The following POLQ variants were observed in gnomAD, a reference collection of about 807,000 sequenced individuals.
POLQ encodes DNA polymerase theta.
In POLQ, 233 loss-of-function variants were observed where a neutral mutation model predicts 259.2. That is an observed-to-expected ratio of 0.90 (90% CI 0.81 to 1.00). The LOEUF (loss-of-function observed/expected upper bound fraction) is 1.00. Ranked by LOEUF, POLQ falls within the 50% of genes least tolerant of loss-of-function variation. The pLI, the probability that POLQ is intolerant of heterozygous loss-of-function variation, is 0.00. For missense variants in POLQ, 2,871 were observed against 3,051.6 expected, an observed-to-expected ratio of 0.94 and a Z score of 1.39; for synonymous variants, 1,025 against 1,048.8, an observed-to-expected ratio of 0.98 and a Z score of 0.44.
In POLQ at chr3:121,443,941, C is replaced by A. The variant is rs115402003; in HGVS notation, c.7265-3825G>T. Among the ~76,000 whole-genome samples the A allele has an allele frequency of 7.6e-3, 1,149 of 152,170 alleles. 15 individuals are homozygous for A. The highest frequency in any genetic ancestry group is 0.027 in the African/African-American group (1,102 of 41,532). ...GGGTTCTCTATTCTGTTCTACTGATCTTTGTGCCTGTTTTATACCAGTACT... is the reference window on the plus strand; with the variant it reads ...GGGTTCTCTATTCTGTTCTACTGATATTTGTGCCTGTTTTATACCAGTACT... On this transcript the variant is annotated intron_variant, in intron 26 of 29. Transcript: ENST00000264233.
At chr3:121,455,134 T>C (rs201373322) in intron 25 of POLQ, among the ~76,000 whole-genome samples, 20 of 143,212 alleles carry the variant, frequency 1.4e-4, no homozygotes, top group African/African-American at 3.7e-4. Flanking sequence ...GAATGACTAC[T>C]GGGTACATAA....
intron 3 of POLQ, among the ~76,000 whole-genome samples, chr3:121,541,072 G>A (rs1033215719): frequency 6.6e-6 from 1 of 151,918 alleles, no homozygotes; most frequent in African/African-American, 2.4e-5. Context: ...GTAGAGATGG[G>A]GTTTCCCCAT....
chr3:121,519,717 T>C (rs1435839637), intron 9 of POLQ, among the ~76,000 whole-genome samples, 154 bp downstream of exon 9: 1 of 148,068 alleles, frequency 6.8e-6, no homozygotes, highest in East Asian at 2.0e-4. Context: ...TCATACTCAC[T>C]ATAAATATTA....
chr3:121,509,227 T>C (rs1004849799), intron 12 of POLQ, among the ~76,000 whole-genome samples: 1 of 152,204 alleles, frequency 6.6e-6, no homozygotes, highest in African/African-American at 2.4e-5. Flanking sequence ...TACTGACCTT[T>C]GCTTGAGTTT....
chr3:121,514,999 C>T (rs937295704), intron 9 of POLQ, among the ~76,000 whole-genome samples: 1 of 152,096 alleles, frequency 6.6e-6, no homozygotes, highest in African/African-American at 2.4e-5. Context: ...AGTGCTCAAG[C>T]TCAGCCTCAA....
chr3:121,507,877 G>A (rs554738342), intron 12 of POLQ, among the ~76,000 whole-genome samples: 110 of 151,828 alleles, frequency 7.2e-4, no homozygotes, highest in African/African-American at 2.6e-3. Flanking sequence ...TTTAAGACAC[G>A]AGGTCTCTTG....
At chr3:121,439,919 T>C in intron 27 of POLQ, 73 bp downstream of exon 27, 1 of 1,272,428 alleles carries the variant, frequency 7.9e-7, no homozygotes, top group Non-Finnish European at 1.1e-6. Context: ...CGGATATTTG[T>C]AGTATTTACT....
Position 121,470,162 on chromosome 3 carries a change from G to A in POLQ, c.6719-1731C>T, listed in dbSNP as rs770411346. On this transcript the variant is annotated intron_variant, in intron 22 of 29. Coordinates refer to ENST00000264233, the MANE Select transcript of POLQ (RefSeq NM_199420.4). ...TACTAAAAATACAAAAATTAGCTGA[G>A]GCAGGAGAATCACTTGAACCTAGGA... Among the ~76,000 whole-genome samples the A allele has an allele frequency of 6.3e-4, 96 of 152,114 alleles. 1 individual carries two copies. Among genetic ancestry groups the A allele is most frequent in the Non-Finnish European group, 1.5e-4 (10 of 67,996 alleles).
rs779118394 is a variant in POLQ, at chr3:121,496,852, C to T, written c.2234G>A (p.Arg745His). 4.6e-5 allele frequency: 75 copies of T among 1,613,746 alleles called. 1 individual carries two copies. Among genetic ancestry groups the T allele is most frequent in the East Asian group, 6.7e-5 (3 of 44,876 alleles). ...CTGTTGCAAAGATTGAATCTGCCCA[C>T]GATTGCATCCATATTTCTGATTTAT... ...REINQKYGCN[R>H]GQIQSLQQSA... Residue 745 changes from arginine (R) to histidine (H), a missense_variant, in exon 14 of 30, where the codon CGT becomes CAT. Around this residue, in one of 3 missense-constraint regions of POLQ, gnomAD observed 783 missense variants for 906.2 expected, o/e 0.86. Coordinates refer to ENST00000264233, the MANE Select transcript of POLQ (RefSeq NM_199420.4).
chr3:121,437,530 A>G (rs1389527979), intron 27 of POLQ, among the ~76,000 whole-genome samples: 2 of 152,238 alleles, frequency 1.3e-5, no homozygotes, highest in Admixed American at 6.5e-5. Flanking sequence ...AGCTAAAATT[A>G]TATTAGCTTA....
At chr3:121,463,074 A>C (rs931269439) in intron 24 of POLQ, among the ~76,000 whole-genome samples, 2 of 152,230 alleles carry the variant, frequency 1.3e-5, no homozygotes, top group Non-Finnish European at 2.9e-5. Context: ...AAAAAGCAAA[A>C]GATCTTCAAA....
chr3:121,539,307 C>T (rs1576430385), intron 4 of POLQ, 126 bp downstream of exon 4: 1 of 706,948 alleles, frequency 1.4e-6, no homozygotes, highest in African/African-American at 1.8e-5. Flanking sequence ...GATGCCAATC[C>T]TTGCCTCCAG....
chr3:121,452,352 C>T (rs2108779370), intron 25 of POLQ, among the ~76,000 whole-genome samples: 1 of 152,312 alleles, frequency 6.6e-6, no homozygotes, highest in South Asian at 2.1e-4. Context: ...AATCACCTGT[C>T]TTCTGCATAG....
At chr3:121,453,509 G>A (rs186063754) in intron 25 of POLQ, among the ~76,000 whole-genome samples, 7 of 152,294 alleles carry the variant, frequency 4.6e-5, no homozygotes, top group Admixed American at 4.6e-4. Context: ...TTAGACAAAT[G>A]TATAACTAGA....
chr3:121,460,298 A>C (rs1576404965), intron 24 of POLQ, 64 bp from the exon 25 acceptor site: 1 of 1,211,572 alleles, frequency 8.3e-7, no homozygotes, highest in East Asian at 2.4e-5. Flanking sequence ...TCCAAGTTCT[A>C]TATCATATAA....
chr3:121,458,388 T>C (rs1576404160), intron 25 of POLQ, among the ~76,000 whole-genome samples: 2 of 151,568 alleles, frequency 1.3e-5, no homozygotes, highest in East Asian at 3.9e-4. Context: ...AGTATAATAA[T>C]AATAAAATAA....
At position 121,539,584 on chromosome 3, in the gene POLQ, C is replaced by G; in HGVS notation, c.480G>C (p.Leu160=). 6.2e-7 allele frequency: 1 copy of G among 1,612,056 alleles called. No individual in the cohort carries two copies. Among genetic ancestry groups the G allele is most frequent in the Non-Finnish European group, 8.5e-7 (1 of 1,178,546 alleles). The part of the protein sequence containing the change: ...AKEKKYYLQS[L]FQEVGIKVDG... ...CTACTTTTATTCCTACTTCCTGAAA[C>G]AGACTCTGAATTGAGTAAAAAGGAA... The change falls in exon 4 of 30, where the codon CTG becomes CTC. Residue 160 remains leucine (L), a synonymous_variant. Transcript: ENST00000264233.
At position 121,485,057 on chromosome 3, in the gene POLQ, CT is replaced by C. The variant is rs924519173; in HGVS notation, c.5756del (p.Lys1919ArgfsTer17). 5.0e-6 allele frequency: 8 copies of C among 1,611,972 alleles called. No individual in the cohort carries two copies. Among genetic ancestry groups the C allele is most frequent in the African/African-American group, 1.3e-5 (1 of 74,848 alleles). On this transcript the variant is annotated frameshift_variant, in exon 17 of 30. Coordinates refer to ENST00000264233, the MANE Select transcript of POLQ (RefSeq NM_199420.4). LOFTEE classifies it high-confidence loss of function. The stretch of plus-strand genomic sequence containing the variant: ...ATTACTTACCAGAATGCTTTTGTTC[CT>C]TCTGCAGTGAAAAATAATAGGCATC... The part of the protein sequence containing the change: ...GRDAYYFSLQ[K>X]EQKHSEISAS...
chr3:121,485,186 T>C lies in POLQ; in HGVS notation c.5630-2A>G, dbSNP rs2048002031. On this transcript the variant is annotated splice_acceptor_variant, in intron 16 of 29. Coordinates refer to ENST00000264233, the MANE Select transcript of POLQ (RefSeq NM_199420.4). LOFTEE classifies it high-confidence loss of function. ...TAGGAATTTCCTGAGGTGAGCTAGC[T>C]AAGTAAAACAAAAGTGAAACAGTTA... 1.3e-6 allele frequency: 2 copies of C among 1,567,216 alleles called. No individual in the cohort carries two copies. The highest frequency in any genetic ancestry group is 2.7e-5 in the African/African-American group (2 of 73,190).
Sources: gnomAD v4.1 joint callset for allele counts (sites outside exome capture counted in the v4.1 genomes callset) on GRCh38, gnomAD v4.1.1 for gene constraint, gnomAD v4.1.1 regional missense constraint, MANE v1.5 for transcripts, NCBI Gene and HGNC (gene_info 2026-07-23, HGNC 2026-07-21) for gene names.